CCDC150: variants seen among roughly 807,000 people sequenced by gnomAD.
The protein encoded by CCDC150 is coiled-coil domain containing 150.
In CCDC150, 151 loss-of-function variants were observed where a neutral mutation model predicts 156.5. The ratio of observed to expected loss-of-function variants is 0.97; its 90% confidence interval spans 0.85 to 1.10. The LOEUF (loss-of-function observed/expected upper bound fraction) is 1.10, where lower values mean the gene tolerates loss of function less well. CCDC150 is among the 50% of genes least tolerant of loss of function. CCDC150 has a pLI of 0.00. For synonymous variants in CCDC150, 452 were observed against 429.4 expected, an observed-to-expected ratio of 1.05 and a Z score of -0.65; for missense variants, 1,312 against 1,268.1, an observed-to-expected ratio of 1.03 and a Z score of -0.53.
chr2:196,713,518 G>C, intron 17 of CCDC150: 1 of 1,550,532 alleles, frequency 6.4e-7, no homozygotes, highest in African/African-American at 1.4e-5. Flanking sequence ...CACCTAACCT[G>C]CCTTCTATGA....
At chr2:196,668,564 G>C (rs890114641) in intron 7 of CCDC150, among the ~76,000 whole-genome samples, 1 of 152,050 alleles carries the variant, frequency 6.6e-6, no homozygotes, top group Non-Finnish European at 1.5e-5. Context: ...ATGCCAGCTA[G>C]GTGCATAATA....
intron 15 of CCDC150, among the ~76,000 whole-genome samples, chr2:196,711,277 A>C (rs905935053): frequency 1.3e-5 from 2 of 152,232 alleles, no homozygotes; most frequent in Middle Eastern, 3.2e-3. Flanking sequence ...ACTGTCACCC[A>C]CAAGGCTAAT....
At position 196,718,619 on chromosome 2, in the gene CCDC150, G is replaced by A; in HGVS notation, c.1983G>A (p.Arg661=). Residue 661 remains arginine, a synonymous_variant, in exon 18 of 28, where the codon AGG becomes AGA. Coordinates refer to ENST00000389175, the MANE Select transcript of CCDC150 (RefSeq NM_001080539.2). Reference sequence around the variant, plus strand: ...AAGACCTCGAGGCTGTGGAGGACAGGGAAAACAAGAAGGCAAGGAATCAGT... The same window carrying A: ...AAGACCTCGAGGCTGTGGAGGACAGAGAAAACAAGAAGGCAAGGAATCAGT... The part of the protein sequence containing the change: ...LKEDLEAVED[R]ENKKVGNFQR... 5 of 1,613,116 alleles carry A rather than the reference G, an allele frequency of 3.1e-6. No homozygotes were observed. Among genetic ancestry groups the A allele is most frequent in the Non-Finnish European group, 3.4e-6 (4 of 1,179,376 alleles).
At chr2:196,657,227 T>C in intron 4 of CCDC150, 91 bp downstream of exon 4, 1 of 1,240,814 alleles carries the variant, frequency 8.1e-7, no homozygotes, top group Non-Finnish European at 1.1e-6. Flanking sequence ...TAAAAATAGG[T>C]GATGTTGATA....
At chr2:196,645,669 A>T (rs1281136752) in intron 1 of CCDC150, among the ~76,000 whole-genome samples, 1 of 152,108 alleles carries the variant, frequency 6.6e-6, no homozygotes, top group South Asian at 2.1e-4. Context: ...ATTTATTTTC[A>T]TTGCGTTTTG....
chr2:196,694,345 C>T (rs564491387), intron 13 of CCDC150, among the ~76,000 whole-genome samples: 26 of 152,186 alleles, frequency 1.7e-4, no homozygotes, highest in Admixed American at 1.4e-3. Context: ...CGTGAGCCAC[C>T]GCTCCTGGCT....
chr2:196,664,028 G>A (rs1236669962), intron 5 of CCDC150, among the ~76,000 whole-genome samples: 1 of 151,760 alleles, frequency 6.6e-6, no homozygotes, highest in African/African-American at 2.4e-5. Context: ...TATTTTATGT[G>A]ATTCTTTTTA....
intron 21 of CCDC150, among the ~76,000 whole-genome samples, chr2:196,725,431 T>G (rs911985999): frequency 1.3e-5 from 2 of 152,186 alleles, no homozygotes; most frequent in African/African-American, 2.4e-5. Context: ...AGATTAATCA[T>G]GGGTCTTGAA....
Position 196,674,443 on chromosome 2 carries a change from A to G in CCDC150, c.1137+95A>G, listed in dbSNP as rs1036380298. On this transcript the variant is annotated intron_variant, in intron 10 of 27. Coordinates refer to ENST00000389175, the MANE Select transcript of CCDC150 (RefSeq NM_001080539.2). ...ACTGGAGAAATAAAATATTTTAACA[A>G]TAAATTTCAAAAAATCTACTGAATT... is the stretch of plus-strand genomic sequence containing the variant. 7 of 712,272 alleles carry G rather than the reference A, an allele frequency of 9.8e-6. No homozygotes were observed. The African/African-American group carries it at 1.3e-4, about 13-fold the overall frequency. The allele number at this position is 712,272 out of a possible 1,614,324, so 44.1% of individuals were successfully genotyped here. A position where few individuals can be genotyped will look rare whatever the true frequency, so the allele number is the denominator to read the frequency against.
chr2:196,678,923 T>C (rs1026044897), intron 13 of CCDC150, among the ~76,000 whole-genome samples: 9 of 152,126 alleles, frequency 5.9e-5, no homozygotes, highest in African/African-American at 1.7e-4. Flanking sequence ...GAATGTTACA[T>C]GGCCAAGGCA....
At chr2:196,646,271 C>A in intron 1 of CCDC150, 70 bp from the exon 2 acceptor site, 3 of 1,417,746 alleles carry the variant, frequency 2.1e-6, no homozygotes, top group Non-Finnish European at 3.0e-6. Context: ...AATCCTGGCA[C>A]AGGAATGGCA....
intron 13 of CCDC150, among the ~76,000 whole-genome samples, chr2:196,685,705 G>A (rs1385424418): frequency 2.6e-5 from 4 of 151,460 alleles, no homozygotes; most frequent in Non-Finnish European, 5.9e-5. Context: ...TCCACCTCCC[G>A]GGTTCATGCC....
intron 2 of CCDC150, among the ~76,000 whole-genome samples, chr2:196,653,309 T>C (rs566511448): frequency 3.9e-5 from 6 of 152,358 alleles, no homozygotes; most frequent in Non-Finnish European, 7.3e-5. Context: ...CAACCTTAAG[T>C]CATTTCTTTG....
chr2:196,714,798 G>A (rs535870592), intron 17 of CCDC150, among the ~76,000 whole-genome samples: 1 of 152,098 alleles, frequency 6.6e-6, no homozygotes, highest in African/African-American at 2.4e-5. Context: ...TTATATGTGT[G>A]TATATACATA....
At chr2:196,646,629 A>C (rs879924326) in intron 2 of CCDC150, 125 bp downstream of exon 2, 20 of 721,922 alleles carry the variant, frequency 2.8e-5, no homozygotes, top group Admixed American at 7.9e-5. Context: ...TCATTTGAGC[A>C]TCACTTAGAA....
chr2:196,701,176 T>A lies in CCDC150; in HGVS notation c.1691T>A (p.Leu564His). Residue 564 changes from leucine (L) to histidine (H), a missense_variant, in exon 15 of 28, where the codon CTC becomes CAC. Coordinates refer to ENST00000389175, the MANE Select transcript of CCDC150 (RefSeq NM_001080539.2). ...KNKLAYENGK[L>H]QIKVKQLEEQ... ...AAACTGGCCTATGAAAACGGAAAAC[T>A]CCAGGTATGAGATTTATTTTCTGAT... is the stretch of plus-strand genomic sequence containing the variant. The A allele has an allele frequency of 1.3e-6, 2 of 1,559,092 alleles. No individual in the cohort carries two copies. The highest frequency in any genetic ancestry group is 1.8e-6 in the Non-Finnish European group (2 of 1,137,780).
At chr2:196,722,811 C>T (rs1430100746) in intron 21 of CCDC150, among the ~76,000 whole-genome samples, 1 of 151,970 alleles carries the variant, frequency 6.6e-6, no homozygotes, top group African/African-American at 2.4e-5. Context: ...GTTTCAAAGC[C>T]TGAAAATTAT....
At chr2:196,694,733 G>A (rs547504648) in intron 13 of CCDC150, among the ~76,000 whole-genome samples, 34 of 152,176 alleles carry the variant, frequency 2.2e-4, no homozygotes, top group Middle Eastern at 6.8e-3. Flanking sequence ...ATGGTGGTGC[G>A]TGCCTGTAAT....
intron 19 of CCDC150, chr2:196,720,147 C>A (rs998936573): frequency 1.3e-5 from 5 of 397,298 alleles, no homozygotes; most frequent in Non-Finnish European, 2.6e-5. Flanking sequence ...TAGAATGTTT[C>A]AAAAATTAAA....
Sources: allele counts gnomAD v4.1 joint callset (sites outside exome capture counted in the v4.1 genomes callset), GRCh38; gene constraint gnomAD v4.1.1; transcripts MANE v1.5; gene names NCBI Gene and HGNC (gene_info 2026-07-23, HGNC 2026-07-21).